RIT2: variants seen among roughly 807,000 people sequenced by gnomAD.
The protein encoded by RIT2 is GTP-binding protein Rit2.
In RIT2, 24 loss-of-function variants were observed where a neutral mutation model predicts 23.7. The observed-to-expected ratio is 1.01, with a 90% confidence interval of 0.73 to 1.43. The LOEUF (loss-of-function observed/expected upper bound fraction) is 1.43, where lower values mean the gene tolerates loss of function less well. Ranked by LOEUF, RIT2 falls within the 40% of genes most tolerant of loss-of-function variation. The pLI, the probability that RIT2 is intolerant of heterozygous loss-of-function variation, is 0.00. For missense variants in RIT2, 236 were observed against 266.9 expected (o/e 0.88, Z 0.81); for synonymous variants, 107 against 91.1 (o/e 1.17, Z -0.99).
intron 4 of RIT2, among the ~76,000 whole-genome samples, chr18:42,891,224 C>T (rs1908165470): frequency 6.6e-6 from 1 of 152,072 alleles, no homozygotes; most frequent in African/African-American, 2.4e-5. Context: ...AGCTTCAATC[C>T]TAAATAACTA....
At chr18:42,968,411 T>G (rs1030962998) in intron 3 of RIT2, among the ~76,000 whole-genome samples, 3 of 152,194 alleles carry the variant, frequency 2.0e-5, no homozygotes, top group African/African-American at 7.2e-5. Context: ...CTATTTGCAG[T>G]AATGTTAATA....
At chr18:42,923,208 G>A (rs9958976) in intron 4 of RIT2, among the ~76,000 whole-genome samples, 2,668 of 152,174 alleles carry the variant, frequency 0.018, 99 homozygotes, top group African/African-American at 0.061. Flanking sequence ...TCTTCTCATG[G>A]TTAGCTTGGG....
chr18:43,035,942 A>C (rs886681168), intron 1 of RIT2, among the ~76,000 whole-genome samples: 1 of 152,188 alleles, frequency 6.6e-6, no homozygotes, highest in African/African-American at 2.4e-5. Flanking sequence ...AGAATGATTG[A>C]TATCGCTACT....
chr18:42,864,507 T>C (rs2144053978), intron 4 of RIT2, among the ~76,000 whole-genome samples: 1 of 152,314 alleles, frequency 6.6e-6, no homozygotes, highest in Admixed American at 6.5e-5. Flanking sequence ...GCCAGACATC[T>C]GGGCACTGTC....
chr18:43,027,302 A>T (rs1393142147), intron 2 of RIT2, among the ~76,000 whole-genome samples: 2 of 152,108 alleles, frequency 1.3e-5, no homozygotes, highest in African/African-American at 4.8e-5. Flanking sequence ...CACTAGTAGA[A>T]GAAGTGGGGT....
intron 4 of RIT2, among the ~76,000 whole-genome samples, chr18:42,784,270 TAA>T (rs34931428): frequency 0.28 from 40,492 of 142,100 alleles, 7,489 homozygotes; most frequent in African/African-American, 0.54. Flanking sequence ...TCCCTTGCGC[TAA>T]AAAAAAAAAA....
intron 1 of RIT2, among the ~76,000 whole-genome samples, chr18:43,101,170 C>T (rs745966054): frequency 6.6e-6 from 1 of 151,858 alleles, no homozygotes; most frequent in South Asian, 2.1e-4. Flanking sequence ...TTAACCATGC[C>T]TCTTTGTTCA....
At chr18:42,862,554 C>T (rs2144051359) in intron 4 of RIT2, among the ~76,000 whole-genome samples, 1 of 152,238 alleles carries the variant, frequency 6.6e-6, no homozygotes, top group Admixed American at 6.5e-5. Context: ...TTGATACAAC[C>T]ACCTTTATCC....
At chr18:43,004,083 A>G (rs1042832050) in intron 2 of RIT2, among the ~76,000 whole-genome samples, 4 of 151,864 alleles carry the variant, frequency 2.6e-5, no homozygotes, top group Non-Finnish European at 4.4e-5. Flanking sequence ...TTTAATTATC[A>G]GTAGAGATGA....
At chr18:43,004,707 C>T (rs1365617691) in intron 2 of RIT2, among the ~76,000 whole-genome samples, 1 of 151,890 alleles carries the variant, frequency 6.6e-6, no homozygotes, top group Non-Finnish European at 1.5e-5. Context: ...ACTTCCTCCT[C>T]TTCTATGAGA....
At chr18:42,868,691 C>T (rs969515541) in intron 4 of RIT2, among the ~76,000 whole-genome samples, 2 of 152,172 alleles carry the variant, frequency 1.3e-5, no homozygotes, top group African/African-American at 4.8e-5. Context: ...TCTTTGTTAG[C>T]ATCGATCCAA....
At chr18:42,795,340 C>T (rs1368653396) in intron 4 of RIT2, among the ~76,000 whole-genome samples, 1 of 152,188 alleles carries the variant, frequency 6.6e-6, no homozygotes, top group Non-Finnish European at 1.5e-5. Flanking sequence ...ACGGCCGACC[C>T]TGCCAGCCCC....
chr18:42,867,607 G>A (rs767465671), intron 4 of RIT2, among the ~76,000 whole-genome samples: 96 of 148,448 alleles, frequency 6.5e-4, no homozygotes, highest in African/African-American at 1.1e-3. Context: ...GCAACATAAC[G>A]AGGCCCTATT....
intron 3 of RIT2, among the ~76,000 whole-genome samples, chr18:42,940,291 A>T (rs57976463): frequency 0.049 from 6,845 of 140,178 alleles, 404 homozygotes; most frequent in East Asian, 0.3. Flanking sequence ...TTTCATATAT[A>T]TTAATATATT....
chr18:43,060,810 C>T (rs529988774), intron 1 of RIT2, among the ~76,000 whole-genome samples: 111 of 152,208 alleles, frequency 7.3e-4, no homozygotes, highest in African/African-American at 2.6e-3. Context: ...CAATCAAAAT[C>T]GGCCCTTATT....
At chr18:42,891,431 C>T (rs1908171440) in intron 4 of RIT2, among the ~76,000 whole-genome samples, 1 of 152,098 alleles carries the variant, frequency 6.6e-6, no homozygotes, top group Admixed American at 6.6e-5. Flanking sequence ...ATAAAAATGT[C>T]ATTCAATGTC....
intron 3 of RIT2, among the ~76,000 whole-genome samples, chr18:42,935,962 G>A (rs1237227828): frequency 2.0e-5 from 3 of 151,738 alleles, no homozygotes; most frequent in Non-Finnish European, 4.4e-5. Context: ...GCCTGCATTT[G>A]GCCCGCGGGC....
intron 1 of RIT2, among the ~76,000 whole-genome samples, chr18:43,101,166 A>G (rs1342928161): frequency 1.3e-5 from 2 of 152,062 alleles, no homozygotes; most frequent in Non-Finnish European, 2.9e-5. Flanking sequence ...CATTTTAACC[A>G]TGCCTCTTTG....
intron 3 of RIT2, 104 bp downstream of exon 3, chr18:42,973,970 T>A: frequency 1.5e-6 from 1 of 685,276 alleles, no homozygotes; most frequent in Non-Finnish European, 2.5e-6. Context: ...AAATTTGTTC[T>A]TCTTCTGCTT....
Sources: gnomAD v4.1 joint callset for allele counts (sites outside exome capture counted in the v4.1 genomes callset) on GRCh38, gnomAD v4.1.1 for gene constraint, MANE v1.5 for transcripts, NCBI Gene and HGNC (gene_info 2026-07-23, HGNC 2026-07-21) for gene names.